LTBP1: variants seen among roughly 807,000 people sequenced by gnomAD.
The protein encoded by LTBP1 is latent transforming growth factor beta binding protein 1, also known as latent-transforming growth factor beta-binding protein 1.
LTBP1 carries 129 observed loss-of-function variants against 207.6 expected under a neutral mutation model. The observed-to-expected ratio is 0.62, with a 90% CI of 0.54 to 0.72. The LOEUF is 0.72. Ranked by LOEUF, LTBP1 falls within the 30% of genes least tolerant of loss-of-function variation. The pLI is 0.00. For synonymous variants in LTBP1, 963 were observed against 833.7 expected (o/e 1.16, Z -2.67); for missense variants, 2,281 against 2,217.2 (o/e 1.03, Z -0.58).
intron 7 of LTBP1, among the ~76,000 whole-genome samples, chr2:33,196,452 G>A (rs1418413173): frequency 6.6e-6 from 1 of 152,092 alleles, no homozygotes; most frequent in African/African-American, 2.4e-5. Context: ...GGAGTGTTGG[G>A]TGAGTGTGAG....
chr2:33,095,172 A>C (rs568810344), intron 3 of LTBP1, among the ~76,000 whole-genome samples: 1 of 152,190 alleles, frequency 6.6e-6, no homozygotes. Context: ...AGATGGGGCA[A>C]ATTTTTCTTA....
intron 3 of LTBP1, among the ~76,000 whole-genome samples, chr2:33,109,633 C>T (rs530270185): frequency 7.4e-4 from 113 of 152,094 alleles, no homozygotes; most frequent in African/African-American, 2.2e-3. Flanking sequence ...AGTCTTGACT[C>T]GTGCTATTAA....
chr2:32,994,008 GT>G (rs1684856381), intron 2 of LTBP1, among the ~76,000 whole-genome samples: 1 of 150,238 alleles, frequency 6.7e-6, no homozygotes, highest in Admixed American at 6.8e-5. Flanking sequence ...GTGTGTGTGT[GT>G]TGGGGGTTAT....
intron 2 of LTBP1, among the ~76,000 whole-genome samples, chr2:32,950,228 C>T (rs1676891930): frequency 6.6e-6 from 1 of 152,186 alleles, no homozygotes; most frequent in Admixed American, 6.5e-5. Flanking sequence ...GTTAACAGCA[C>T]CACTGCAATG....
chr2:33,314,912 T>C (rs1348739295), intron 23 of LTBP1, among the ~76,000 whole-genome samples: 1 of 152,176 alleles, frequency 6.6e-6, no homozygotes, highest in Non-Finnish European at 1.5e-5. Context: ...ATGAAATTGC[T>C]TTTTTTGCAG....
At chr2:33,144,652 A>G (rs1558699551) in intron 5 of LTBP1, among the ~76,000 whole-genome samples, 1 of 152,182 alleles carries the variant, frequency 6.6e-6, no homozygotes, top group Non-Finnish European at 1.5e-5. Flanking sequence ...CCTAGGTTAG[A>G]GTAAATTTAA....
intron 3 of LTBP1, among the ~76,000 whole-genome samples, chr2:33,036,207 C>T (rs946165260): frequency 6.6e-6 from 1 of 152,108 alleles, no homozygotes; most frequent in African/African-American, 2.4e-5. Flanking sequence ...TGGGCCCCAC[C>T]TCAGAGTTTC....
At chr2:33,369,143 A>G (rs1303761022) in intron 31 of LTBP1, among the ~76,000 whole-genome samples, 1 of 152,196 alleles carries the variant, frequency 6.6e-6, no homozygotes, top group Non-Finnish European at 1.5e-5. Context: ...ATATTATATA[A>G]TATTTTTGGA....
intron 11 of LTBP1, among the ~76,000 whole-genome samples, chr2:33,253,605 A>C (rs139699644): frequency 1.2e-3 from 184 of 152,228 alleles, no homozygotes; most frequent in African/African-American, 4.0e-3. Flanking sequence ...TAAATAGTCT[A>C]CTCAATTGCA....
chr2:33,367,986 G>A (rs1285136433), intron 31 of LTBP1, among the ~76,000 whole-genome samples: 1 of 152,074 alleles, frequency 6.6e-6, no homozygotes, highest in East Asian at 1.9e-4. Context: ...AGGCCGAGGC[G>A]GGCGGATCAT....
chr2:33,022,126 A>G (rs562934949), intron 3 of LTBP1, among the ~76,000 whole-genome samples: 14 of 152,174 alleles, frequency 9.2e-5, no homozygotes, highest in Non-Finnish European at 1.6e-4. Flanking sequence ...GGTGATTAGT[A>G]TCCAGTCAGC....
intron 3 of LTBP1, among the ~76,000 whole-genome samples, chr2:33,053,780 C>T (rs976775511): frequency 3.3e-5 from 5 of 152,184 alleles, no homozygotes; most frequent in Non-Finnish European, 5.9e-5. Flanking sequence ...GCAGGGCCTT[C>T]GACCTAGACA....
intron 3 of LTBP1, among the ~76,000 whole-genome samples, chr2:33,101,287 T>C (rs148174151): frequency 3.7e-4 from 57 of 152,366 alleles, no homozygotes; most frequent in African/African-American, 1.3e-3. Context: ...AATGAAACTT[T>C]AGAAAGTAAG....
At chr2:33,354,587 C>T (rs1450903453) in intron 26 of LTBP1, among the ~76,000 whole-genome samples, 1 of 151,446 alleles carries the variant, frequency 6.6e-6, no homozygotes, top group African/African-American at 2.4e-5. Context: ...TTTCTGCTTG[C>T]TATAGATAGT....
chr2:33,349,919 T>A (rs142938903), intron 26 of LTBP1, among the ~76,000 whole-genome samples: 9 of 152,312 alleles, frequency 5.9e-5, no homozygotes, highest in African/African-American at 2.2e-4. Context: ...TGTGGACCTC[T>A]GCAAGAATAG....
intron 15 of LTBP1, among the ~76,000 whole-genome samples, chr2:33,271,385 C>CG (rs1299769779): frequency 6.6e-6 from 1 of 151,870 alleles, no homozygotes; most frequent in Non-Finnish European, 1.5e-5. Flanking sequence ...AATAACCACC[C>CG]GGGAAAAAAC....
intron 10 of LTBP1, among the ~76,000 whole-genome samples, chr2:33,250,757 T>C (rs888273318): frequency 5.9e-5 from 9 of 151,796 alleles, no homozygotes; most frequent in Non-Finnish European, 1.3e-4. Flanking sequence ...CTTAAGCAGG[T>C]ACCACCACCA....
chr2:33,132,660 C>T (rs1340774103), intron 4 of LTBP1, among the ~76,000 whole-genome samples: 1 of 152,166 alleles, frequency 6.6e-6, no homozygotes, highest in East Asian at 1.9e-4. Context: ...ACTAGGACAT[C>T]TTGCCATTTC....
Position 32,991,735 on chromosome 2 carries a change from G to A in LTBP1, c.566-29174G>A, listed in dbSNP as rs368323319. Among the ~76,000 whole-genome samples, 7 of 152,302 alleles carry A rather than the reference G, an allele frequency of 4.6e-5. No individual in the cohort carries two copies. The South Asian group carries it at 1.5e-3, about 32-fold the overall frequency. ...TGTTTGGAAATGACCTAGGAAGTCA[G>A]TCATCTAATCTAGCTCCTCCAGCCC... On this transcript the variant is annotated intron_variant, in intron 2 of 33. Transcript: ENST00000404816.
Sources: gnomAD v4.1 joint callset for allele counts (sites outside exome capture counted in the v4.1 genomes callset) on GRCh38, gnomAD v4.1.1 for gene constraint, MANE v1.5 for transcripts, NCBI Gene and HGNC (gene_info 2026-07-23, HGNC 2026-07-21) for gene names.